Variants in CYP4F2 observed in about 807,000 individuals in gnomAD.
CYP4F2 encodes the protein cytochrome P450 family 4 subfamily F member 2, also known as cytochrome P450 4F2.
Under a neutral mutation model 58.9 loss-of-function variants are expected in CYP4F2, and 58 were observed. That is an observed-to-expected ratio of 0.98 (90% CI 0.80 to 1.23). The LOEUF (loss-of-function observed/expected upper bound fraction) is 1.23. CYP4F2 is among the 50% of genes most tolerant of loss of function. The pLI, the probability that CYP4F2 is intolerant of heterozygous loss-of-function variation, is 0.00. For synonymous variants in CYP4F2, 287 were observed against 261.1 expected, an observed-to-expected ratio of 1.10 and a Z score of -0.95; for missense variants, 616 against 685.6, an observed-to-expected ratio of 0.90 and a Z score of 1.13.
chr19:15,890,200 T>C, intron 6 of CYP4F2, 112 bp downstream of exon 6: 1 of 1,560,654 alleles, frequency 6.4e-7, no homozygotes, highest in Non-Finnish European at 8.8e-7. Flanking sequence ...TGATCAGGTA[T>C]AACAAAACTC....
At chr19:15,886,114 C>T (rs2089377644) in intron 8 of CYP4F2, 61 bp from the exon 9 acceptor site, 4 of 1,605,278 alleles carry the variant, frequency 2.5e-6, no homozygotes, top group Middle Eastern at 1.7e-4. Context: ...AGGTAGACAG[C>T]ACCCATGCAT....
chr19:15,892,577 T>A lies in CYP4F2; in HGVS notation c.349A>T (p.Ile117Phe), dbSNP rs868121028. The A allele has an allele frequency of 6.2e-7, 1 of 1,613,878 alleles. No individual in the cohort carries two copies. Among genetic ancestry groups the A allele is most frequent in the East Asian group, 2.2e-5 (1 of 44,856 alleles). ...IRSVINASAA[I>F]APKDKFFYSF... ...TAGAAGAACTTGTCCTTTGGTGCAA[T>A]GGCAGCTGACATAAATGAGGACAAT... Residue 117 changes from isoleucine to phenylalanine, a missense_variant, in exon 4 of 13, where the codon ATT becomes TTT. By Grantham distance (21) the Ile-to-Phe change is conservative. Coordinates refer to ENST00000221700, the MANE Select transcript of CYP4F2 (RefSeq NM_001082.5).
rs558346121 is a variant in CYP4F2 at position 15,885,470 on chromosome 19, GGACGGAT to G, written c.1115+447_1115+453del. On this transcript the variant is annotated intron_variant, in intron 9 of 12. Transcript: ENST00000221700. The stretch of plus-strand genomic sequence containing the variant: ...TGGGAGTGTTTGCTGAATAAGGATG[GGACGGAT>G]GAACAGTGCAAGTGTTCCGGACAAG... 8.5e-5 allele frequency among the ~76,000 whole-genome samples: 13 copies of G among 152,268 alleles called. No individual in the cohort carries two copies. In the East Asian group the frequency reaches 2.5e-3, roughly 29 times the overall value.
intron 5 of CYP4F2, among the ~76,000 whole-genome samples, chr19:15,891,531 C>G (rs1272537279): frequency 6.6e-6 from 1 of 152,142 alleles, no homozygotes. Flanking sequence ...CATATCCACA[C>G]CCTTTGCAAT....
chr19:15,889,323 G>A (rs2089401554), intron 7 of CYP4F2, 100 bp downstream of exon 7: 3 of 1,598,018 alleles, frequency 1.9e-6, no homozygotes, highest in African/African-American at 1.3e-5. Context: ...CACCTTCCAT[G>A]GCTCCCTAGT....
In CYP4F2 at chr19:15,895,358, A is replaced by G. The variant is rs8109059; in HGVS notation, c.343+148T>C. 6.7e-3 allele frequency: 7,673 copies of G among 1,140,922 alleles called. 347 individuals carry two copies. The African/African-American group carries it at 0.096, about 14-fold the overall frequency. 70.7% of individuals were successfully genotyped at this position (1,140,922 alleles called of 1,614,324 possible). On this transcript the variant is annotated intron_variant, in intron 3 of 12. Coordinates refer to ENST00000221700, the MANE Select transcript of CYP4F2 (RefSeq NM_001082.5). The stretch of plus-strand genomic sequence containing the variant: ...ATAGAGAGAGGAGACGCTGAGATGG[A>G]AATTGATGAATACATGAAAGAAAGA...
At chr19:15,892,707 G>A in intron 3 of CYP4F2, 125 bp from the exon 4 acceptor site, 3 of 1,423,750 alleles carry the variant, frequency 2.1e-6, no homozygotes, top group East Asian at 2.3e-5. Context: ...GCAGGAAGAG[G>A]GCCAAGGGCA....
chr19:15,895,933 T>TA (rs913933149), intron 2 of CYP4F2, among the ~76,000 whole-genome samples: 19 of 152,292 alleles, frequency 1.2e-4, no homozygotes, highest in Middle Eastern at 3.4e-3. Flanking sequence ...CATATATATC[T>TA]ACTCCATCTG....
intron 9 of CYP4F2, among the ~76,000 whole-genome samples, chr19:15,882,072 G>A (rs548401801): frequency 1.3e-5 from 2 of 151,938 alleles, no homozygotes; most frequent in South Asian, 2.1e-4. Context: ...GTGAAACCCC[G>A]TCTCTAATAA....
At chr19:15,882,093 A>C (rs1314635896) in intron 9 of CYP4F2, among the ~76,000 whole-genome samples, 2 of 152,036 alleles carry the variant, frequency 1.3e-5, no homozygotes, top group East Asian at 3.9e-4. Context: ...AAATACAAAA[A>C]AATTAGCCAA....
At chr19:15,896,392 A>C (rs1471846613) in intron 2 of CYP4F2, among the ~76,000 whole-genome samples, 1 of 152,052 alleles carries the variant, frequency 6.6e-6, no homozygotes, top group African/African-American at 2.4e-5. Flanking sequence ...CGCACTGTCC[A>C]CTCACAGAGG....
In CYP4F2 at chr19:15,889,503, T is replaced by G; in HGVS notation, c.838A>C (p.Ser280Arg). ...TGGAGGAAGTCATCAACACCCTGGCTAGGGAGAGTGCGGCGCCGCTCCTGG... is the reference window on the plus strand; with the variant it reads ...TGGAGGAAGTCATCAACACCCTGGCGAGGGAGAGTGCGGCGCCGCTCCTGG... Reference protein sequence around the residue: ...VIQERRRTLPSQGVDDFLQAK... With the variant: ...VIQERRRTLPRQGVDDFLQAK... The change falls in exon 7 of 13, where the codon AGC becomes CGC. Residue 280 changes from serine to arginine, a missense_variant. By Grantham distance (110) the Ser-to-Arg change is moderately radical. Transcript: ENST00000221700. 1 of 1,614,184 alleles carries G rather than the reference T, an allele frequency of 6.2e-7. No individual in the cohort carries two copies. Among genetic ancestry groups the G allele is most frequent in the South Asian group, 1.1e-5 (1 of 91,082 alleles).
intron 2 of CYP4F2, among the ~76,000 whole-genome samples, chr19:15,897,186 G>A (rs1056675208): frequency 6.6e-6 from 1 of 152,176 alleles, no homozygotes; most frequent in African/African-American, 2.4e-5. Context: ...GGGAAGACAG[G>A]CAGGAAAAGG....
At chr19:15,887,283 C>G (rs1486553500) in intron 7 of CYP4F2, among the ~76,000 whole-genome samples, 1 of 151,814 alleles carries the variant, frequency 6.6e-6, no homozygotes, top group Non-Finnish European at 1.5e-5. Flanking sequence ...CACAGGCACA[C>G]ACATATAGAC....
At chr19:15,893,376 C>A (rs569783633) in intron 3 of CYP4F2, among the ~76,000 whole-genome samples, 1 of 152,226 alleles carries the variant, frequency 6.6e-6, no homozygotes, top group Non-Finnish European at 1.5e-5. Flanking sequence ...GAGACAAGAA[C>A]CAAACAGGCC....
At chr19:15,895,755 G>A (rs1473219764) in intron 2 of CYP4F2, 105 bp from the exon 3 acceptor site, 1 of 1,408,958 alleles carries the variant, frequency 7.1e-7, no homozygotes, top group African/African-American at 1.5e-5. Context: ...TTATTTCTGG[G>A]TGTGTCTAAT....
At chr19:15,890,631 G>A (rs1040740187) in intron 5 of CYP4F2, among the ~76,000 whole-genome samples, 198 bp from the exon 6 acceptor site, 8 of 152,180 alleles carry the variant, frequency 5.3e-5, no homozygotes, top group Non-Finnish European at 1.0e-4. Flanking sequence ...TGGGAGTTAG[G>A]AGAACTAGGT....
intron 7 of CYP4F2, 99 bp from the exon 8 acceptor site, chr19:15,886,407 T>A: frequency 6.9e-7 from 1 of 1,456,228 alleles, no homozygotes; most frequent in Non-Finnish European, 9.4e-7. Flanking sequence ...TCTCTGAAGA[T>A]TCATCCTTTT....
intron 7 of CYP4F2, among the ~76,000 whole-genome samples, chr19:15,887,765 T>C (rs1368497706): frequency 1.3e-5 from 2 of 149,498 alleles, no homozygotes; most frequent in African/African-American, 2.5e-5. Context: ...AACATAGACA[T>C]AGACACAGAT....
Sources: allele counts gnomAD v4.1 joint callset (sites outside exome capture counted in the v4.1 genomes callset), GRCh38; gene constraint gnomAD v4.1.1; transcripts MANE v1.5; gene names NCBI Gene and HGNC (gene_info 2026-07-23, HGNC 2026-07-21).